The following SLC41A2 variants were observed in gnomAD, a reference collection of about 807,000 sequenced individuals.
SLC41A2 encodes solute carrier family 41 member 2.
Under a neutral mutation model 58.3 loss-of-function variants are expected in SLC41A2, and 32 were observed. The ratio of observed to expected loss-of-function variants is 0.55; its 90% CI spans 0.41 to 0.74. The LOEUF (loss-of-function observed/expected upper bound fraction) is 0.74. SLC41A2 is among the 30% of genes least tolerant of loss of function. The pLI, the probability that SLC41A2 is intolerant of heterozygous loss-of-function variation, is 0.00. For missense variants in SLC41A2, 514 were observed against 680.6 expected, an observed-to-expected ratio of 0.76 and a Z score of 2.72; for synonymous variants, 190 against 235.0, an observed-to-expected ratio of 0.81 and a Z score of 1.75.
intron 9 of SLC41A2, 103 bp downstream of exon 9, chr12:104,845,740 G>A: frequency 8.0e-7 from 1 of 1,250,114 alleles, no homozygotes; most frequent in Non-Finnish European, 1.1e-6. Flanking sequence ...TCGGAAAGTT[G>A]AGCAACTTTC....
chr12:104,907,108 G>A (rs2045886014), intron 3 of SLC41A2, among the ~76,000 whole-genome samples: 1 of 151,452 alleles, frequency 6.6e-6, no homozygotes, highest in Non-Finnish European at 1.5e-5. Flanking sequence ...TTTTCCATGG[G>A]TTATATATAA....
intron 1 of SLC41A2, among the ~76,000 whole-genome samples, chr12:104,946,791 A>G (rs1189127468): frequency 1.3e-5 from 2 of 152,212 alleles, no homozygotes; most frequent in Non-Finnish European, 2.9e-5. Flanking sequence ...TTCAATTAAG[A>G]GAGATAATCT....
chr12:104,809,789 G>A (rs1191495550), intron 10 of SLC41A2, among the ~76,000 whole-genome samples: 1 of 152,096 alleles, frequency 6.6e-6, no homozygotes, highest in Non-Finnish European at 1.5e-5. Context: ...TGAAAGGAAA[G>A]GCAAAAAGGC....
intron 10 of SLC41A2, among the ~76,000 whole-genome samples, chr12:104,836,922 C>T (rs1325945305): frequency 2.0e-5 from 3 of 152,048 alleles, no homozygotes; most frequent in South Asian, 2.1e-4. Context: ...TAGTTATGTA[C>T]GACAATGGTT....
intron 1 of SLC41A2, among the ~76,000 whole-genome samples, chr12:104,939,802 A>C (rs1039034609): frequency 1.3e-5 from 2 of 152,198 alleles, no homozygotes; most frequent in Non-Finnish European, 2.9e-5. Flanking sequence ...ATTTAGTTGA[A>C]TATCCCAGAA....
intron 2 of SLC41A2, among the ~76,000 whole-genome samples, chr12:104,916,671 A>G (rs1033520199): frequency 1.2e-4 from 18 of 152,292 alleles, no homozygotes; most frequent in African/African-American, 3.8e-4. Context: ...ATAACGCCAC[A>G]TATCTACAAC....
intron 10 of SLC41A2, among the ~76,000 whole-genome samples, chr12:104,842,171 T>C (rs146053681): frequency 1.2e-3 from 184 of 152,230 alleles, no homozygotes; most frequent in Admixed American, 2.7e-3. Flanking sequence ...ATCTTTGGAT[T>C]GACTGAAGCC....
intron 1 of SLC41A2, among the ~76,000 whole-genome samples, chr12:104,954,665 C>T (rs1012085669): frequency 6.6e-5 from 10 of 152,022 alleles, no homozygotes; most frequent in African/African-American, 1.2e-4. Context: ...GTTATAAACC[C>T]GAAATTACCA....
At chr12:104,953,521 C>T (rs1053538917) in intron 1 of SLC41A2, among the ~76,000 whole-genome samples, 1 of 152,208 alleles carries the variant, frequency 6.6e-6, no homozygotes, top group African/African-American at 2.4e-5. Flanking sequence ...CACCCGTGAG[C>T]TCTCACTGGC....
In SLC41A2 at chr12:104,889,121, C is replaced by G; in HGVS notation, c.792G>C (p.Trp264Cys). 1 of 1,611,404 alleles carries G rather than the reference C, an allele frequency of 6.2e-7. No homozygotes were observed. The highest frequency in any genetic ancestry group is 8.5e-7 in the Non-Finnish European group (1 of 1,179,310). The change falls in exon 5 of 11, where the codon TGG (tryptophan) becomes TGC (cysteine). Residue 264 changes from tryptophan to cysteine, a missense_variant. This residue lies in a region of SLC41A2 where 336 missense variants were observed against 430.0 expected (regional missense o/e 0.78). Coordinates refer to ENST00000258538, the MANE Select transcript of SLC41A2 (RefSeq NM_001352171.3). ...CAAGGTAATATTTTCCTTCTGGAAT[C>G]CAGCCCAATATAATTGCTGCCACAG... ...LAAVAAIILG[W>C]IPEGKYYLDH...
Position 104,866,587 on chromosome 12 carries a change from T to TAAAAAA in SLC41A2, c.1028-14_1028-9dup, listed in dbSNP as rs34984157. On this transcript the variant is annotated splice_polypyrimidine_tract_variant and intron_variant, in intron 6 of 10. Transcript: ENST00000258538. ...AAATGTAGTAATAGGTCTCTAAAAT[T>TAAAAAA]AAAAAAAAAAAAAAAAAGAGAGACA... 8.1e-7 allele frequency: 1 copy of TAAAAAA among 1,230,880 alleles called. No homozygotes were observed. Among genetic ancestry groups the TAAAAAA allele is most frequent in the Non-Finnish European group, 1.1e-6 (1 of 915,922 alleles). The allele number at this position is 1,230,880 out of a possible 1,614,324, so 76.2% of individuals were successfully genotyped here. A position where few individuals can be genotyped will look rare whatever the true frequency, so the allele number is the denominator to read the frequency against.
At chr12:104,882,143 CT>C (rs997245467) in intron 6 of SLC41A2, among the ~76,000 whole-genome samples, 22 of 147,756 alleles carry the variant, frequency 1.5e-4, no homozygotes, top group East Asian at 5.9e-4. Flanking sequence ...GCAACCCCTG[CT>C]TTTTTTTTTG....
At chr12:104,913,711 C>T (rs1270274091) in intron 2 of SLC41A2, among the ~76,000 whole-genome samples, 5 of 152,190 alleles carry the variant, frequency 3.3e-5, no homozygotes, top group East Asian at 1.9e-4. Context: ...AGAATGGCCA[C>T]CTTGCAGGCT....
rs373398236 is a variant in SLC41A2, at chr12:104,870,156, T to C, written c.1028-3577A>G. ...TTATTTGTGTGACCCCTAAATATAA[T>C]TGCAGGTATAGGAGGGAGGCAGGAG... On this transcript the variant is annotated intron_variant, in intron 6 of 10. Coordinates refer to ENST00000258538, the MANE Select transcript of SLC41A2 (RefSeq NM_001352171.3). Among the ~76,000 whole-genome samples, 42 of 152,236 alleles carry C rather than the reference T, an allele frequency of 2.8e-4. No homozygotes were observed. In the East Asian group the frequency reaches 5.0e-3, roughly 18 times the overall value.
intron 1 of SLC41A2, among the ~76,000 whole-genome samples, chr12:104,941,839 T>C (rs901616633): frequency 1.3e-5 from 2 of 152,216 alleles, no homozygotes; most frequent in Non-Finnish European, 2.9e-5. Flanking sequence ...GTAACAAACT[T>C]GCACATTCTG....
At chr12:104,884,401 A>G (rs918167110) in intron 6 of SLC41A2, among the ~76,000 whole-genome samples, 3 of 152,196 alleles carry the variant, frequency 2.0e-5, no homozygotes, top group Admixed American at 2.0e-4. Flanking sequence ...TTGGAAATGC[A>G]GAAATCACCC....
At chr12:104,915,478 C>T (rs1044725238) in intron 2 of SLC41A2, among the ~76,000 whole-genome samples, 2 of 152,064 alleles carry the variant, frequency 1.3e-5, no homozygotes, top group Non-Finnish European at 1.5e-5. Context: ...TTGAAGAGGT[C>T]CTTCACATCC....
intron 7 of SLC41A2, among the ~76,000 whole-genome samples, chr12:104,863,730 T>G (rs1236532305): frequency 2.0e-5 from 3 of 152,170 alleles, no homozygotes; most frequent in Non-Finnish European, 4.4e-5. Context: ...CCTGCTAATC[T>G]GGTTATAATT....
intron 3 of SLC41A2, among the ~76,000 whole-genome samples, chr12:104,904,282 G>C (rs1185549663): frequency 6.6e-6 from 1 of 152,104 alleles, no homozygotes; most frequent in African/African-American, 2.4e-5. Context: ...ATGTTTATCA[G>C]AGCAAAGTTC....
Sources: gnomAD v4.1 joint callset for allele counts (sites outside exome capture counted in the v4.1 genomes callset) on GRCh38, gnomAD v4.1.1 for gene constraint, gnomAD v4.1.1 regional missense constraint, MANE v1.5 for transcripts, NCBI Gene and HGNC (gene_info 2026-07-23, HGNC 2026-07-21) for gene names.